Variants in PAOX observed in about 807,000 individuals in gnomAD.
The protein encoded by PAOX is polyamine oxidase, also known as peroxisomal N(1)-acetyl-spermine/spermidine oxidase.
Under a neutral mutation model 39.0 loss-of-function variants are expected in PAOX, and 38 were observed. The ratio of observed to expected loss-of-function variants is 0.97; its 90% CI spans 0.75 to 1.28. The LOEUF is 1.28. Ranked by LOEUF, PAOX falls within the 50% of genes most tolerant of loss-of-function variation. The pLI, the probability that PAOX is intolerant of heterozygous loss-of-function variation, is 0.00. For missense variants in PAOX, 667 were observed against 685.7 expected (o/e 0.97, Z 0.30); for synonymous variants, 311 against 314.4 (o/e 0.99, Z 0.11).
At position 133,391,364 on chromosome 10, in the gene PAOX, C is replaced by T. The variant is rs367874686; in HGVS notation, c.1445C>T (p.Thr482Met). Residue 482 changes from threonine to methionine, a missense_variant, in exon 7 of 7, where the codon ACG becomes ATG. By Grantham distance (81) the Thr-to-Met change is moderately conservative (BLOSUM62 -1). Coordinates refer to ENST00000278060, the MANE Select transcript of PAOX (RefSeq NM_152911.4). The part of the protein sequence containing the change: ...EATHRTFYST[T>M]HGALLSGWRE... ...ACACATCGCACGTTTTACTCCACGA[C>T]GCACGGGGCTCTGCTGTCGGGATGG... The T allele has an allele frequency of 1.5e-5, 24 of 1,613,458 alleles. No individual in the cohort carries two copies. Among genetic ancestry groups the T allele is most frequent in the South Asian group, 4.4e-5 (4 of 91,090 alleles).
intron 2 of PAOX, 90 bp from the exon 3 acceptor site, chr10:133,381,370 A>ACCC: frequency 8.0e-7 from 1 of 1,249,374 alleles, no homozygotes; most frequent in Non-Finnish European, 1.1e-6. Flanking sequence ...GCTACCTTTG[A>ACCC]TGCGGGTGGG....
At chr10:133,388,590 G>A (rs1849585813) in intron 4 of PAOX, among the ~76,000 whole-genome samples, 1 of 152,226 alleles carries the variant, frequency 6.6e-6, no homozygotes. Context: ...CTCTTGCTCA[G>A]GTGCAAATGT....
At position 133,380,343 on chromosome 10, in the gene PAOX, A is replaced by G; in HGVS notation, c.526A>G (p.Thr176Ala). ...HVAGWTEDEE[T>A]RKLKLAVLNS... is the part of the protein sequence containing the mutation. ...GGCCGGCTGGACAGAGGATGAGGAGACCAGGAAGCTGAAGCTGGCCGTCCT... is the reference window on the plus strand; with the variant it reads ...GGCCGGCTGGACAGAGGATGAGGAGGCCAGGAAGCTGAAGCTGGCCGTCCT... Residue 176 changes from threonine to alanine, a missense_variant, in exon 2 of 7, where the codon ACC becomes GCC. Physicochemically the swap from Thr to Ala is moderately conservative, Grantham distance 58. Coordinates refer to ENST00000278060, the MANE Select transcript of PAOX (RefSeq NM_152911.4). The G allele has an allele frequency of 6.2e-7, 1 of 1,612,880 alleles. No individual in the cohort carries two copies. Among genetic ancestry groups the G allele is most frequent in the African/African-American group, 1.3e-5 (1 of 75,050 alleles).
chr10:133,379,952 C>A, intron 1 of PAOX, 47 bp from the exon 2 acceptor site: 3 of 1,502,638 alleles, frequency 2.0e-6, no homozygotes, highest in Non-Finnish European at 2.6e-6. Flanking sequence ...TCGGGGTGAC[C>A]CTTCTAGGAA....
rs1420683423 is a variant in PAOX at position 133,379,906 on chromosome 10, G to A, written c.182-93G>A. 11 of 1,468,436 alleles carry A rather than the reference G, an allele frequency of 7.5e-6. No individual in the cohort carries two copies. In the Admixed American group the frequency reaches 2.5e-4, roughly 34 times the overall value. 91.0% of individuals were successfully genotyped at this position (1,468,436 alleles called of 1,614,324 possible). A position where few individuals can be genotyped will look rare whatever the true frequency, so the allele number is the denominator to read the frequency against. Reference sequence around the variant, plus strand: ...GGGGACAGTGTGGTACATCCTCCTTGGGAAGGCCAGCGTGGGCGTGGCCCA... The same window carrying A: ...GGGGACAGTGTGGTACATCCTCCTTAGGAAGGCCAGCGTGGGCGTGGCCCA... On this transcript the variant is annotated intron_variant, in intron 1 of 6. Coordinates refer to ENST00000278060, the MANE Select transcript of PAOX (RefSeq NM_152911.4).
chr10:133,382,764 A>G (rs1419961508), intron 3 of PAOX: 6 of 146,784 alleles, frequency 4.1e-5, no homozygotes, highest in Non-Finnish European at 7.5e-5. Context: ...CCTGGGTGAC[A>G]GAGTGAGACT....
At chr10:133,388,909 T>C in intron 4 of PAOX, 47 bp from the exon 5 acceptor site, 1 of 878,106 alleles carries the variant, frequency 1.1e-6, no homozygotes, top group Non-Finnish European at 2.0e-6. Flanking sequence ...AGGGCTCTCT[T>C]TCTCCATGCA....
rs1473228259 is a variant in PAOX at position 133,384,576 on chromosome 10, T to G, written c.1121+364T>G. Among the ~76,000 whole-genome samples, 2 of 152,068 alleles carry G rather than the reference T, an allele frequency of 1.3e-5. No individual in the cohort carries two copies. Among genetic ancestry groups the G allele is most frequent in the Non-Finnish European group, 2.9e-5 (2 of 68,016 alleles). ...CTGCCCATACGTGGGGAGACAATAC[T>G]TAAATGGGATGAAATAATTGAAGGA... On this transcript the variant is annotated intron_variant, in intron 4 of 6. Transcript: ENST00000278060. This position sits in a 1 kb window ranked among gnomAD's most constrained non-coding sequence, Gnocchi z 4.3.
rs369934268 is a variant in PAOX, at chr10:133,381,416, C to G, written c.669-44C>G. The G allele has an allele frequency of 1.1e-5, 18 of 1,583,528 alleles. No homozygotes were observed. In the African/African-American group the frequency reaches 2.2e-4, roughly 19 times the overall value. On this transcript the variant is annotated intron_variant, in intron 2 of 6. Transcript: ENST00000278060. Reference sequence around the variant, plus strand: ...ACGTATTTCCACCAGTCCTGCCCTTCCAGGGACTGGGCCTCTACGAAACCA... The same window carrying G: ...ACGTATTTCCACCAGTCCTGCCCTTGCAGGGACTGGGCCTCTACGAAACCA...
chr10:133,379,691 C>T, intron 1 of PAOX, 194 bp downstream of exon 1: 1 of 566,946 alleles, frequency 1.8e-6, no homozygotes, highest in Non-Finnish European at 2.7e-6. Context: ...AGGGCGCCGG[C>T]CAGGGAAGGC....
rs576112787 is a variant in PAOX, at chr10:133,385,665, G to A, written c.1121+1453G>A. On this transcript the variant is annotated intron_variant, in intron 4 of 6. Transcript: ENST00000278060. The stretch of plus-strand genomic sequence containing the variant: ...GTGGTGCAATCTTGGCTCACTGCAA[G>A]CCCCACCTCCTGGGTTCACGCCATT... Among the ~76,000 whole-genome samples the A allele has an allele frequency of 5.9e-5, 9 of 152,194 alleles. No individual in the cohort carries two copies. In the South Asian group the frequency reaches 1.9e-3, roughly 32 times the overall value.
chr10:133,379,621 C>T, intron 1 of PAOX, 124 bp downstream of exon 1: 1 of 818,994 alleles, frequency 1.2e-6, no homozygotes, highest in Non-Finnish European at 1.6e-6. Context: ...GAGGGAATCC[C>T]CGCTCGCTTA....
Position 133,391,405 on chromosome 10 carries a change from C to T in PAOX, c.1486C>T (p.Leu496Phe), listed in dbSNP as rs750758948. ...LLSGWREADR[L>F]LSLWAPQVQQ... ...GTCGGGATGGAGGGAGGCCGACCGC[C>T]TCCTCAGTCTGTGGGCCCCGCAGGT... Residue 496 changes from leucine to phenylalanine, a missense_variant, in exon 7 of 7, where the codon CTC becomes TTC. Coordinates refer to ENST00000278060, the MANE Select transcript of PAOX (RefSeq NM_152911.4). The T allele has an allele frequency of 2.5e-6, 4 of 1,612,982 alleles. No individual in the cohort carries two copies. Among genetic ancestry groups the T allele is most frequent in the Non-Finnish European group, 3.4e-6 (4 of 1,180,018 alleles).
chr10:133,384,328 G>A lies in PAOX; in HGVS notation c.1121+116G>A. ...GTATTTCTAGGGGGTTTAATGGGTA[G>A]GGTTCCCATGAGCGCCCCCCCACCA... On this transcript the variant is annotated intron_variant, in intron 4 of 6. Coordinates refer to ENST00000278060, the MANE Select transcript of PAOX (RefSeq NM_152911.4). This position sits in a 1 kb window ranked among gnomAD's most constrained non-coding sequence, Gnocchi z 4.3. 1.4e-6 allele frequency: 2 copies of A among 1,465,782 alleles called. No homozygotes were observed. The highest frequency in any genetic ancestry group is 2.3e-5 in the East Asian group (1 of 43,738). The allele number at this position is 1,465,782 out of a possible 1,614,324, so 90.8% of individuals were successfully genotyped here.
intron 6 of PAOX, 46 bp downstream of exon 6, chr10:133,389,793 G>C (rs747466629): frequency 2.2e-6 from 3 of 1,394,626 alleles, no homozygotes; most frequent in Non-Finnish European, 9.3e-7. Context: ...CGCTGCAGAG[G>C]CCCCCGCCGA....
intron 1 of PAOX, 77 bp downstream of exon 1, chr10:133,379,574 C>G: frequency 8.7e-7 from 1 of 1,143,774 alleles, no homozygotes; most frequent in Non-Finnish European, 1.1e-6. Context: ...CTGCCCTGCG[C>G]GCAGCCGACC....
chr10:133,391,286 A>T lies in PAOX; in HGVS notation c.1393-26A>T, dbSNP rs780941579. 1.9e-6 allele frequency: 3 copies of T among 1,608,272 alleles called. No homozygotes were observed. In the East Asian group the frequency reaches 6.7e-5, roughly 36 times the overall value. On this transcript the variant is annotated intron_variant, in intron 6 of 6. Transcript: ENST00000278060. ...ACCCTGCTGTCTGAATTGCATCCCC[A>T]TTCTAACCCTGGCTCTTCTTTGCAG...
intron 3 of PAOX, among the ~76,000 whole-genome samples, chr10:133,383,199 C>T (rs1183283656): frequency 6.6e-5 from 10 of 152,034 alleles, no homozygotes; most frequent in African/African-American, 1.4e-4. Context: ...AAAAAAGGAG[C>T]GGGTTAATTT....
intron 4 of PAOX, among the ~76,000 whole-genome samples, chr10:133,386,695 A>G (rs1849540318): frequency 6.6e-6 from 1 of 151,886 alleles, no homozygotes; most frequent in Non-Finnish European, 1.5e-5. Context: ...GCTGGTCTCG[A>G]ACTCCTGACC....
Sources: allele counts gnomAD v4.1 joint callset (sites outside exome capture counted in the v4.1 genomes callset), GRCh38; gene constraint gnomAD v4.1.1; non-coding constraint Gnocchi (gnomAD v3.1); transcripts MANE v1.5; gene names NCBI Gene and HGNC (gene_info 2026-07-23, HGNC 2026-07-21).